PLXNA1: variants seen among roughly 807,000 people sequenced by gnomAD.
PLXNA1 encodes plexin-A1.
Under a neutral mutation model 191.7 loss-of-function variants are expected in PLXNA1, and 77 were observed. The ratio of observed to expected loss-of-function variants is 0.40; its 90% CI spans 0.33 to 0.49. PLXNA1 has a LOEUF of 0.49. Ranked by LOEUF, PLXNA1 falls within the 20% of genes least tolerant of loss-of-function variation. The pLI is 0.63. For missense variants in PLXNA1, 2,110 were observed against 2,660.2 expected, an observed-to-expected ratio of 0.79 and a Z score of 4.55; for synonymous variants, 1,137 against 1,156.4, an observed-to-expected ratio of 0.98 and a Z score of 0.34.
At chr3:126,993,360 C>G (rs757166892) in intron 3 of PLXNA1, among the ~76,000 whole-genome samples, 1 of 152,220 alleles carries the variant, frequency 6.6e-6, no homozygotes, top group Non-Finnish European at 1.5e-5. Flanking sequence ...CAAGGAGGAC[C>G]GTTCTCAGGG....
rs1379373942 is a variant in PLXNA1 at position 126,988,919 on chromosome 3, G to A, written c.326G>A (p.Gly109Asp). ...PSVQSCPHGL[G>D]STDNVNKLLL... ...GTGCAGTCCTGCCCCCACGGCCTGG[G>A]CAGTACTGACAACGTCAACAAGCTG... The change falls in exon 2 of 32, where the codon GGC becomes GAC. Residue 109 changes from glycine (G) to aspartate (D), a missense_variant. Transcript: ENST00000393409. The A allele has an allele frequency of 1.9e-6, 3 of 1,613,242 alleles. No individual in the cohort carries two copies. The South Asian group carries it at 3.3e-5, about 18-fold the overall frequency.
At chr3:126,991,983 G>A (rs1309774274) in intron 3 of PLXNA1, among the ~76,000 whole-genome samples, 2 of 152,166 alleles carry the variant, frequency 1.3e-5, no homozygotes, top group Admixed American at 1.3e-4. Flanking sequence ...GCACTCTGCC[G>A]GGCCAGAGGC....
chr3:127,003,307 G>A (rs2079049652), intron 3 of PLXNA1, 23 bp from the exon 4 acceptor site: 1 of 1,576,666 alleles, frequency 6.3e-7, no homozygotes, highest in South Asian at 1.2e-5. Context: ...CACAGCTCCA[G>A]TTAGGGCCCC....
chr3:127,003,105 A>C (rs1322021608), intron 3 of PLXNA1, among the ~76,000 whole-genome samples: 1 of 150,202 alleles, frequency 6.7e-6, no homozygotes, highest in Non-Finnish European at 1.5e-5. Context: ...GCTGAATCAC[A>C]GACTGGCCTG....
chr3:127,017,012 A>C lies in PLXNA1; in HGVS notation c.3251A>C (p.Lys1084Thr), dbSNP rs1209579975. 1.9e-6 allele frequency: 3 copies of C among 1,613,350 alleles called. No homozygotes were observed. Among genetic ancestry groups the C allele is most frequent in the Non-Finnish European group, 2.5e-6 (3 of 1,179,958 alleles). ...ATVREPRIRA[K>T]YGGIERENGC... The stretch of plus-strand genomic sequence containing the variant: ...GTCCGTGAACCCCGAATCCGGGCCA[A>C]GTATGGAGGCATTGAGAGGGAGAAC... The change falls in exon 17 of 32, where the codon AAG (lysine) becomes ACG (threonine). Residue 1084 changes from lysine (K) to threonine (T), a missense_variant. Lys to Thr is a moderately conservative substitution (Grantham distance 78). Around this residue, in one of 4 missense-constraint regions of PLXNA1, gnomAD observed 644 missense variants for 714.3 expected, o/e 0.90. Coordinates refer to ENST00000393409, the MANE Select transcript of PLXNA1 (RefSeq NM_032242.4).
Position 127,004,695 on chromosome 3 carries a change from T to C in PLXNA1, c.1603T>C (p.Cys535Arg). ...LGSRDPHCGW[C>R]VLHSICSRRD... is the part of the protein sequence containing the mutation. ...GTCACGGGACCCCCACTGTGGCTGG[T>C]GTGTCCTGCACAGCATGTGAGTCTG... The change falls in exon 5 of 32, where the codon TGT becomes CGT. Residue 535 changes from cysteine (C) to arginine (R), a missense_variant. By Grantham distance (180) the Cys-to-Arg change is radical. Coordinates refer to ENST00000393409, the MANE Select transcript of PLXNA1 (RefSeq NM_032242.4). 6.3e-7 allele frequency: 1 copy of C among 1,586,006 alleles called. No individual in the cohort carries two copies. Among genetic ancestry groups the C allele is most frequent in the Non-Finnish European group, 8.6e-7 (1 of 1,167,254 alleles).
At chr3:127,017,374 G>C (rs939170754) in intron 17 of PLXNA1, 51 bp from the exon 18 acceptor site, 1 of 1,582,044 alleles carries the variant, frequency 6.3e-7, no homozygotes, top group East Asian at 2.3e-5. Context: ...ACTGGGAGCT[G>C]CCGGGCCACT....
At chr3:127,008,401 G>A (rs2079079106) in intron 9 of PLXNA1, among the ~76,000 whole-genome samples, 2 of 152,182 alleles carry the variant, frequency 1.3e-5, no homozygotes, top group African/African-American at 4.8e-5. Flanking sequence ...GAGTCACCAG[G>A]CGCTGAGTGG....
chr3:127,007,257 C>G (rs151268839), intron 8 of PLXNA1, among the ~76,000 whole-genome samples: 2 of 152,078 alleles, frequency 1.3e-5, no homozygotes, highest in African/African-American at 4.8e-5. Flanking sequence ...GTGGGCAGAG[C>G]GCCTACAGTG....
At chr3:126,984,354 C>T (rs1009041372) in intron 1 of PLXNA1, among the ~76,000 whole-genome samples, 3 of 152,234 alleles carry the variant, frequency 2.0e-5, no homozygotes, top group Admixed American at 6.5e-5. Flanking sequence ...GCTCCTGTGG[C>T]TCAGGCTGCT....
chr3:127,014,662 A>G (rs1446907792), intron 13 of PLXNA1, 33 bp downstream of exon 13: 7 of 1,571,612 alleles, frequency 4.5e-6, no homozygotes, highest in Middle Eastern at 3.4e-4. Context: ...GCGGGGCGGG[A>G]CGGGACGGGG....
At chr3:127,025,589 T>G (rs1016997488) in intron 23 of PLXNA1, among the ~76,000 whole-genome samples, 3 of 152,186 alleles carry the variant, frequency 2.0e-5, no homozygotes, top group African/African-American at 7.2e-5. Context: ...TCTGTCCCCA[T>G]TGAACACCCA....
chr3:127,003,227 G>A (rs1175402811), intron 3 of PLXNA1, 103 bp from the exon 4 acceptor site: 4 of 1,318,224 alleles, frequency 3.0e-6, no homozygotes, highest in Non-Finnish European at 4.1e-6. Context: ...TGCATGTCTG[G>A]GCAGCTCAGG....
chr3:127,032,638 G>A (rs1225328246), intron 30 of PLXNA1, 39 bp downstream of exon 30: 2 of 1,609,948 alleles, frequency 1.2e-6, no homozygotes, highest in Admixed American at 1.7e-5. Flanking sequence ...AGGGGCCCGG[G>A]GGCAGCCTGG....
chr3:126,988,362 GGTGCCCA>G, intron 1 of PLXNA1, among the ~76,000 whole-genome samples, 152 bp from the exon 2 acceptor site: 1 of 152,346 alleles, frequency 6.6e-6, no homozygotes, highest in Non-Finnish European at 1.5e-5. Context: ...AGGCCAGGGA[GGTGCCCA>G]GTTTGCCCCT....
rs770699972 is a variant in PLXNA1 at position 126,989,481 on chromosome 3, T to C, written c.888T>C (p.Val296=). The part of the protein sequence containing the change: ...CVDDPKFYSY[V]EFPIGCEQAG... ...ACGACCCCAAATTCTACTCGTACGT[T>C]GAGTTCCCCATTGGCTGCGAGCAGG... Residue 296 remains valine (V), a synonymous_variant, in exon 2 of 32, where the codon GTT becomes GTC. Transcript: ENST00000393409. 6.2e-7 allele frequency: 1 copy of C among 1,613,686 alleles called. No homozygotes were observed. The highest frequency in any genetic ancestry group is 2.2e-5 in the East Asian group (1 of 44,864).
chr3:127,007,719 C>T (rs908812107), intron 8 of PLXNA1, 80 bp from the exon 9 acceptor site: 13 of 826,458 alleles, frequency 1.6e-5, no homozygotes, highest in Middle Eastern at 6.5e-4. Flanking sequence ...CCAGCAGGGG[C>T]GGCACAGTGT....
At position 127,018,161 on chromosome 3, in the gene PLXNA1, G is replaced by A; in HGVS notation, c.3661-133G>A. ...TGGGTCCCAGTGTCTCCACCCTGGT[G>A]ACCACTCTGTGCCCCTGTCGGTGGG... On this transcript the variant is annotated intron_variant, in intron 19 of 31. Coordinates refer to ENST00000393409, the MANE Select transcript of PLXNA1 (RefSeq NM_032242.4). 3 of 927,322 alleles carry A rather than the reference G, an allele frequency of 3.2e-6. No individual in the cohort carries two copies. In the South Asian group the frequency reaches 5.0e-5, roughly 16 times the overall value. 57.4% of individuals were successfully genotyped at this position (927,322 alleles called of 1,614,324 possible).
At chr3:126,990,296 G>C (rs1004016354) in intron 2 of PLXNA1, among the ~76,000 whole-genome samples, 1 of 152,224 alleles carries the variant, frequency 6.6e-6, no homozygotes, top group Non-Finnish European at 1.5e-5. Context: ...GCACCTGCCC[G>C]CTGGGCCTCT....
Sources: allele counts gnomAD v4.1 joint callset (sites outside exome capture counted in the v4.1 genomes callset), GRCh38; gene constraint gnomAD v4.1.1; regional missense constraint gnomAD v4.1.1; transcripts MANE v1.5; gene names NCBI Gene and HGNC (gene_info 2026-07-23, HGNC 2026-07-21).